The following RERE variants were observed in gnomAD, a reference collection of about 807,000 sequenced individuals.
RERE encodes the protein arginine-glutamic acid dipeptide repeats protein.
In RERE, 40 loss-of-function variants were observed where a neutral mutation model predicts 146.1. That is an observed-to-expected ratio of 0.27 (90% CI 0.21 to 0.36). The LOEUF is 0.36. RERE is among the 10% of genes least tolerant of loss of function. The probability of loss-of-function intolerance (pLI) is 1.00; values close to 1 mark genes in which losing one functional copy is unlikely to be tolerated. For synonymous variants in RERE, 1,003 were observed against 866.0 expected, an observed-to-expected ratio of 1.16 and a Z score of -2.78; for missense variants, 1,933 against 2,138.7, an observed-to-expected ratio of 0.90 and a Z score of 1.90.
Position 8,563,954 on chromosome 1 carries a change from A to G in RERE, c.523-6431T>C, listed in dbSNP as rs569085289. Among the ~76,000 whole-genome samples, 356 of 152,344 alleles carry G rather than the reference A, an allele frequency of 2.3e-3. 2 individuals are homozygous for G. The highest frequency in any genetic ancestry group is 8.2e-3 in the African/African-American group (339 of 41,572). Reference sequence around the variant, plus strand: ...TTTAATTGGTAGTCAGACACTAATTAAGCATACAGAGGGGGGAACACCGTC... The same window carrying G: ...TTTAATTGGTAGTCAGACACTAATTGAGCATACAGAGGGGGGAACACCGTC... On this transcript the variant is annotated intron_variant, in intron 4 of 22. Coordinates refer to ENST00000400908, the MANE Select transcript of RERE (RefSeq NM_001042681.2).
At chr1:8,454,983 C>T (rs778097062) in intron 11 of RERE, among the ~76,000 whole-genome samples, 8 of 151,986 alleles carry the variant, frequency 5.3e-5, no homozygotes, top group Non-Finnish European at 8.8e-5. Context: ...GCCTGTTTTT[C>T]CTGCTTCTGC....
rs777309002 is a variant in RERE at position 8,356,224 on chromosome 1, C to T, written c.4362G>A (p.Pro1454=). The change falls in exon 21 of 23, where the codon CCG becomes CCA. Residue 1454 remains proline (P), a synonymous_variant. Transcript: ENST00000400908. This position sits in a 1 kb window ranked among gnomAD's most constrained non-coding sequence, Gnocchi z 5.2. ...GACCGGCAGTCAGGGGGTCGACCAG[C>T]GGGTGAACGGGGCCTGCTGAACCTA... The part of the protein sequence containing the change: ...LHQGSAGPVH[P]LVDPLTAGPH... The T allele has an allele frequency of 7.2e-6, 11 of 1,524,686 alleles. No homozygotes were observed. Among genetic ancestry groups the T allele is most frequent in the African/African-American group, 5.9e-5 (4 of 68,316 alleles). The allele number at this position is 1,524,686 out of a possible 1,614,324, so 94.4% of individuals were successfully genotyped here.
intron 4 of RERE, among the ~76,000 whole-genome samples, chr1:8,602,028 C>T (rs910729443): frequency 1.3e-5 from 2 of 152,176 alleles, no homozygotes; most frequent in Non-Finnish European, 2.9e-5. Flanking sequence ...TGTAAAAGCA[C>T]AGTACCCTTC....
intron 11 of RERE, chr1:8,465,695 T>C: frequency 1.6e-6 from 1 of 618,358 alleles, no homozygotes; most frequent in South Asian, 1.5e-5. Flanking sequence ...TTTCTTTCCA[T>C]GAAAGTTGGA....
chr1:8,623,710 CTT>C (rs1646942407), intron 3 of RERE, among the ~76,000 whole-genome samples: 1 of 152,150 alleles, frequency 6.6e-6, no homozygotes, highest in African/African-American at 2.4e-5. Flanking sequence ...AACATCAACA[CTT>C]ATATATTCAG....
chr1:8,451,308 T>C (rs1644387899), intron 11 of RERE, among the ~76,000 whole-genome samples: 2 of 152,146 alleles, frequency 1.3e-5, no homozygotes, highest in South Asian at 4.1e-4. Context: ...GGCACATGCC[T>C]ATAATCCCAG....
At chr1:8,495,589 G>A (rs1304681427) in intron 9 of RERE, among the ~76,000 whole-genome samples, 1 of 152,202 alleles carries the variant, frequency 6.6e-6, no homozygotes, top group Non-Finnish European at 1.5e-5. Context: ...TGGGATTACA[G>A]GCGTGAGCCA....
intron 15 of RERE, chr1:8,363,720 C>CA (rs1570046930): frequency 3.2e-6 from 1 of 310,632 alleles, no homozygotes; most frequent in Non-Finnish European, 6.0e-6. Flanking sequence ...AAAGAGCCTG[C>CA]AAGTTTAAAA....
intron 4 of RERE, among the ~76,000 whole-genome samples, chr1:8,577,201 CTT>C (rs569567547): frequency 2.6e-4 from 40 of 151,762 alleles, no homozygotes; most frequent in African/African-American, 8.7e-4. Context: ...TTTCATATGA[CTT>C]TTGAATTTTT....
In RERE at chr1:8,364,661, G is replaced by C. The variant is rs1219719442; in HGVS notation, c.1540+85C>G. On this transcript the variant is annotated intron_variant, in intron 14 of 22. Transcript: ENST00000400908. The surrounding 1 kb of genome is among the most constrained non-coding windows in gnomAD (Gnocchi z 5.1). ...TCAAATCAAGTACTGTCCCTGGCAGGTTTCCAGCTGGATGCATGAAATGTT... is the reference window on the plus strand; with the variant it reads ...TCAAATCAAGTACTGTCCCTGGCAGCTTTCCAGCTGGATGCATGAAATGTT... 7.3e-6 allele frequency: 7 copies of C among 961,470 alleles called. No homozygotes were observed. In the East Asian group the frequency reaches 1.7e-4, roughly 23 times the overall value. The allele number at this position is 961,470 out of a possible 1,614,324, so 59.6% of individuals were successfully genotyped here. A position where few individuals can be genotyped will look rare whatever the true frequency, so the allele number is the denominator to read the frequency against.
At position 8,422,740 on chromosome 1, in the gene RERE, G is replaced by A. The variant is rs1643928541; in HGVS notation, c.1271C>T (p.Pro424Leu). Residue 424 changes from proline (P) to leucine (L), a missense_variant, in exon 12 of 23, where the codon CCC (proline) becomes CTC (leucine). Coordinates refer to ENST00000400908, the MANE Select transcript of RERE (RefSeq NM_001042681.2). ...NFFRIRKELL[P>L]NKETGELITF... ...AATTGTACTCACTGTTTCCTTATTG[G>A]GAAGCAGCTCCTTTCTAATTCTGAA... The A allele has an allele frequency of 6.2e-7, 1 of 1,612,732 alleles. No individual in the cohort carries two copies. The highest frequency in any genetic ancestry group is 8.5e-7 in the Non-Finnish European group (1 of 1,178,782).
intron 1 of RERE, among the ~76,000 whole-genome samples, chr1:8,779,985 G>A (rs527686026): frequency 1.4e-4 from 22 of 152,190 alleles, no homozygotes; most frequent in African/African-American, 5.3e-4. Flanking sequence ...GAGGCCAGGA[G>A]TTCAAGACCA....
chr1:8,595,487 TTAATG>T (rs1253273442), intron 4 of RERE, among the ~76,000 whole-genome samples: 1 of 151,654 alleles, frequency 6.6e-6, no homozygotes, highest in African/African-American at 2.4e-5. Flanking sequence ...ATGTATTATT[TTAATG>T]TATTTATTTT....
At chr1:8,485,844 G>A (rs1451738935) in intron 10 of RERE, among the ~76,000 whole-genome samples, 1 of 143,822 alleles carries the variant, frequency 7.0e-6, no homozygotes, top group Non-Finnish European at 1.5e-5. Context: ...CTATTGGCAG[G>A]CTGGAGTGCA....
In RERE at chr1:8,359,878, C is replaced by G. The variant is rs1467854751; in HGVS notation, c.3504G>C (p.Glu1168Asp). ...TCTGCTCAGCCTCGCGCTTGGCCTT[C>G]TCAATGGCCTCCTCCCTCTTCTTGG... Reference protein sequence around the residue: ...KLAKKREEAIEKAKREAEQKA... With the variant: ...KLAKKREEAIDKAKREAEQKA... The change falls in exon 19 of 23, where the codon GAG (glutamate) becomes GAC (aspartate). Residue 1168 changes from glutamate (E) to aspartate (D), a missense_variant. Physicochemically the swap from Glu to Asp is conservative, Grantham distance 45. Around this residue, in one of 11 missense-constraint regions of RERE, gnomAD observed 1,255 missense variants for 1,153.8 expected, o/e 1.09. Coordinates refer to ENST00000400908, the MANE Select transcript of RERE (RefSeq NM_001042681.2). 8.7e-6 allele frequency: 14 copies of G among 1,613,050 alleles called. No homozygotes were observed. Among genetic ancestry groups the G allele is most frequent in the Non-Finnish European group, 1.1e-5 (13 of 1,180,030 alleles).
chr1:8,506,373 A>G (rs957284070), intron 8 of RERE, among the ~76,000 whole-genome samples: 1 of 152,384 alleles, frequency 6.6e-6, no homozygotes, highest in Middle Eastern at 3.4e-3. Context: ...TATCTTCTAT[A>G]AACTATGTGA....
At chr1:8,582,716 C>T in intron 4 of RERE, among the ~76,000 whole-genome samples, 1 of 151,972 alleles carries the variant, frequency 6.6e-6, no homozygotes, top group African/African-American at 2.4e-5. Flanking sequence ...AGTGAAACTC[C>T]ATCTCAAAAA....
chr1:8,572,648 C>T (rs1570455424), intron 4 of RERE, among the ~76,000 whole-genome samples: 1 of 152,210 alleles, frequency 6.6e-6, no homozygotes, highest in African/African-American at 2.4e-5. Context: ...GCACCAGACA[C>T]TGTTCTGGAG....
At position 8,541,132 on chromosome 1, in the gene RERE, T is replaced by TAC. The variant is rs140827335; in HGVS notation, c.830+80_830+81dup. ...CTAGTGTATGTCCAGAAGCATAAAC[T>TAC]ACACACACACACACATACACACACA... On this transcript the variant is annotated intron_variant, in intron 7 of 22. Coordinates refer to ENST00000400908, the MANE Select transcript of RERE (RefSeq NM_001042681.2). 705 of 692,932 alleles carry TAC rather than the reference T, an allele frequency of 1.0e-3. 3 individuals are homozygous for TAC. Among genetic ancestry groups the TAC allele is most frequent in the South Asian group, 5.7e-3 (253 of 44,684 alleles). The allele number at this position is 692,932 out of a possible 1,614,324, so 42.9% of individuals were successfully genotyped here.
Sources: gnomAD v4.1 joint callset for allele counts (sites outside exome capture counted in the v4.1 genomes callset) on GRCh38, gnomAD v4.1.1 for gene constraint, gnomAD v4.1.1 regional missense constraint, Gnocchi (gnomAD v3.1) non-coding constraint, MANE v1.5 for transcripts, NCBI Gene and HGNC (gene_info 2026-07-23, HGNC 2026-07-21) for gene names.